The following CRYBG3 variants were observed in gnomAD, a reference collection of about 807,000 sequenced individuals.
CRYBG3 encodes the protein crystallin beta-gamma domain containing 3.
Under a neutral mutation model 244.2 loss-of-function variants are expected in CRYBG3, and 127 were observed. That is an observed-to-expected ratio of 0.52 (90% confidence interval 0.45 to 0.60). The LOEUF is 0.60. Ranked by LOEUF, CRYBG3 falls within the 20% of genes least tolerant of loss-of-function variation. The pLI is 0.00. For synonymous variants in CRYBG3, 1,132 were observed against 1,195.8 expected, an observed-to-expected ratio of 0.95 and a Z score of 1.10; for missense variants, 3,325 against 3,442.5, an observed-to-expected ratio of 0.97 and a Z score of 0.85.
In CRYBG3 at chr3:97,881,252, G is replaced by C. The variant is rs548993432; in HGVS notation, c.7152+33G>C. 192 of 1,477,992 alleles carry C rather than the reference G, an allele frequency of 1.3e-4. No homozygotes were observed. The South Asian group carries it at 1.7e-3, about 13-fold the overall frequency. 91.6% of individuals were successfully genotyped at this position (1,477,992 alleles called of 1,614,324 possible). On this transcript the variant is annotated intron_variant, in intron 7 of 21. Transcript: ENST00000389622. ...CTGTAGATTTTTCTATTTTTTATTT[G>C]ATTTTATTTATCATATAGTAAACCT...
At chr3:97,920,686 C>T (rs779965430) in intron 17 of CRYBG3, among the ~76,000 whole-genome samples, 10 of 152,084 alleles carry the variant, frequency 6.6e-5, no homozygotes, top group Non-Finnish European at 1.3e-4. Context: ...CGTGCCATCA[C>T]TCCCAGCTAA....
chr3:97,911,639 C>T (rs1404875289), intron 15 of CRYBG3, among the ~76,000 whole-genome samples: 1 of 152,242 alleles, frequency 6.6e-6, no homozygotes, highest in East Asian at 1.9e-4. Flanking sequence ...TCTGTGCCCT[C>T]CTGGGCACTC....
At chr3:97,859,892 T>G (rs888455115) in intron 2 of CRYBG3, among the ~76,000 whole-genome samples, 1 of 152,170 alleles carries the variant, frequency 6.6e-6, no homozygotes, top group Non-Finnish European at 1.5e-5. Flanking sequence ...GAAATTATAT[T>G]GTTCTCTTCA....
intron 7 of CRYBG3, 124 bp from the exon 8 acceptor site, chr3:97,886,507 T>C: frequency 1.5e-6 from 1 of 684,678 alleles, no homozygotes; most frequent in Non-Finnish European, 2.2e-6. Flanking sequence ...ATTTCCTTTA[T>C]GTTTTCTTTG....
chr3:97,929,274 AT>A (rs553900000), intron 17 of CRYBG3, among the ~76,000 whole-genome samples: 67 of 147,444 alleles, frequency 4.5e-4, no homozygotes, highest in South Asian at 2.4e-3. Flanking sequence ...GTAATCAAAT[AT>A]TTTTTTTTTT....
intron 17 of CRYBG3, among the ~76,000 whole-genome samples, chr3:97,932,623 C>A (rs569462993): frequency 6.6e-6 from 1 of 152,162 alleles, no homozygotes; most frequent in South Asian, 2.1e-4. Flanking sequence ...TCAGCCCACT[C>A]ATAGTCCTTA....
At position 97,873,782 on chromosome 3, in the gene CRYBG3, T is replaced by C. The variant is rs777729598; in HGVS notation, c.2588T>C (p.Ile863Thr). ...QDKMSSFPLK[I>T]THVPEKPILS... ...AAAATGTCTTCTTTTCCATTGAAAATTACCCATGTTCCAGAAAAGCCTATT... is the reference window on the plus strand; with the variant it reads ...AAAATGTCTTCTTTTCCATTGAAAACTACCCATGTTCCAGAAAAGCCTATT... The change falls in exon 4 of 22, where the codon ATT becomes ACT. Residue 863 changes from isoleucine (I) to threonine (T), a missense_variant. Physicochemically the swap from Ile to Thr is moderately conservative, Grantham distance 89. This residue lies in a region of CRYBG3 where 1,526 missense variants were observed against 1,443.2 expected (regional missense o/e 1.06). Coordinates refer to ENST00000389622, the MANE Select transcript of CRYBG3 (RefSeq NM_153605.4). The C allele has an allele frequency of 1.2e-4, 187 of 1,533,314 alleles. No homozygotes were observed. The highest frequency in any genetic ancestry group is 1.5e-4 in the Non-Finnish European group (177 of 1,146,208). 95.0% of individuals were successfully genotyped at this position (1,533,314 alleles called of 1,614,324 possible). A position where few individuals can be genotyped will look rare whatever the true frequency, so the allele number is the denominator to read the frequency against.
In CRYBG3 at chr3:97,874,082, A is replaced by G; in HGVS notation, c.2888A>G (p.His963Arg). 1 of 1,535,852 alleles carries G rather than the reference A, an allele frequency of 6.5e-7. No homozygotes were observed. The highest frequency in any genetic ancestry group is 8.7e-7 in the Non-Finnish European group (1 of 1,146,792). ...CAAATGGCGCAGAATTGTGAAGCTCACACTTGTGTGTTTCATCAATCTTTG... is the reference window on the plus strand; with the variant it reads ...CAAATGGCGCAGAATTGTGAAGCTCGCACTTGTGTGTTTCATCAATCTTTG... ...SRQMAQNCEA[H>R]TCVFHQSLDI... The change falls in exon 4 of 22, where the codon CAC becomes CGC. Residue 963 changes from histidine to arginine, a missense_variant. This residue lies in a region of CRYBG3 where 1,526 missense variants were observed against 1,443.2 expected (regional missense o/e 1.06). Transcript: ENST00000389622.
chr3:97,883,459 A>G (rs2039473415), intron 7 of CRYBG3, among the ~76,000 whole-genome samples: 1 of 152,174 alleles, frequency 6.6e-6, no homozygotes, highest in South Asian at 2.1e-4. Context: ...TGAGTAATAT[A>G]TGGCAAACAG....
intron 2 of CRYBG3, among the ~76,000 whole-genome samples, chr3:97,847,218 C>T (rs929793845): frequency 6.6e-6 from 1 of 152,162 alleles, no homozygotes; most frequent in Non-Finnish European, 1.5e-5. Flanking sequence ...TGTGAGGGTA[C>T]AAACATCCAA....
At chr3:97,838,042 A>G (rs2038758957) in intron 1 of CRYBG3, among the ~76,000 whole-genome samples, 1 of 152,086 alleles carries the variant, frequency 6.6e-6, no homozygotes, top group Non-Finnish European at 1.5e-5. Context: ...CCATCCAAGA[A>G]GGTGCTTTCT....
In CRYBG3 at chr3:97,822,313, C is replaced by T. The variant is rs1025569633; in HGVS notation, c.107C>T (p.Pro36Leu). 2 of 1,518,676 alleles carry T rather than the reference C, an allele frequency of 1.3e-6. No individual in the cohort carries two copies. Among genetic ancestry groups the T allele is most frequent in the Non-Finnish European group, 1.8e-6 (2 of 1,138,850 alleles). 94.1% of individuals were successfully genotyped at this position (1,518,676 alleles called of 1,614,324 possible). A position where few individuals can be genotyped will look rare whatever the true frequency, so the allele number is the denominator to read the frequency against. The change falls in exon 1 of 22, where the codon CCG becomes CTG. Residue 36 changes from proline to leucine, a missense_variant. Around this residue, in one of 4 missense-constraint regions of CRYBG3, gnomAD observed 1,526 missense variants for 1,443.2 expected, o/e 1.06. Transcript: ENST00000389622. The part of the protein sequence containing the change: ...RDKEEEEEER[P>L]GTSPPPAPGR... The stretch of plus-strand genomic sequence containing the variant: ...AAGGAAGAGGAAGAGGAGGAGAGGC[C>T]GGGGACGAGCCCGCCTCCAGCTCCA...
intron 15 of CRYBG3, among the ~76,000 whole-genome samples, chr3:97,909,852 TTC>T (rs1442964995): frequency 6.8e-5 from 10 of 146,252 alleles, no homozygotes; most frequent in African/African-American, 2.0e-4. Flanking sequence ...AGTTTTTCTG[TTC>T]TGTTTTTTCC....
At chr3:97,826,263 C>G (rs2038575163) in intron 1 of CRYBG3, among the ~76,000 whole-genome samples, 1 of 152,114 alleles carries the variant, frequency 6.6e-6, no homozygotes, top group African/African-American at 2.4e-5. Context: ...TTTGGGAATT[C>G]TATTTTTTGC....
intron 1 of CRYBG3, among the ~76,000 whole-genome samples, chr3:97,841,388 G>A (rs1006242213): frequency 3.3e-5 from 5 of 151,324 alleles, no homozygotes; most frequent in African/African-American, 1.2e-4. Flanking sequence ...GAAGCTTTAA[G>A]GATCTGTTTA....
intron 1 of CRYBG3, among the ~76,000 whole-genome samples, chr3:97,838,627 C>A (rs111252714): frequency 6.6e-6 from 1 of 152,074 alleles, no homozygotes; most frequent in South Asian, 2.1e-4. Context: ...CATTGTGCAA[C>A]CCCCAGCACC....
At chr3:97,911,224 G>A (rs890548775) in intron 15 of CRYBG3, among the ~76,000 whole-genome samples, 4 of 152,172 alleles carry the variant, frequency 2.6e-5, no homozygotes, top group East Asian at 1.9e-4. Context: ...CCTTATCCTC[G>A]ATGACAGCAT....
intron 1 of CRYBG3, among the ~76,000 whole-genome samples, chr3:97,832,282 G>T (rs1404085991): frequency 7.3e-6 from 1 of 137,664 alleles, no homozygotes; most frequent in African/African-American, 2.7e-5. Flanking sequence ...GGAAAAAGAA[G>T]AAAGCTGGAG....
chr3:97,902,850 A>C (rs1239500025), intron 15 of CRYBG3, among the ~76,000 whole-genome samples: 1 of 152,176 alleles, frequency 6.6e-6, no homozygotes, highest in African/African-American at 2.4e-5. Flanking sequence ...TCCCCCAAAC[A>C]AAACAAAAAC....
Sources: allele counts gnomAD v4.1 joint callset (sites outside exome capture counted in the v4.1 genomes callset), GRCh38; gene constraint gnomAD v4.1.1; regional missense constraint gnomAD v4.1.1; transcripts MANE v1.5; gene names NCBI Gene and HGNC (gene_info 2026-07-23, HGNC 2026-07-21).